Variants in CYRIA observed in about 807,000 individuals in gnomAD.
The protein encoded by CYRIA is CYFIP-related Rac1 interactor A.
In CYRIA, 15 loss-of-function variants were observed where a neutral mutation model predicts 43.9. The observed-to-expected ratio is 0.34, with a 90% CI of 0.23 to 0.53. The LOEUF is 0.53. Among genes scored for constraint, CYRIA ranks in the 20% least tolerant of loss-of-function variants. The pLI, the probability that CYRIA is intolerant of heterozygous loss-of-function variation, is 0.94. For synonymous variants in CYRIA, 117 were observed against 136.0 expected, an observed-to-expected ratio of 0.86 and a Z score of 0.97; for missense variants, 236 against 394.2, an observed-to-expected ratio of 0.60 and a Z score of 3.40.
chr2:16,572,468 T>C (rs1667167390), intron 3 of CYRIA, among the ~76,000 whole-genome samples: 2 of 152,098 alleles, frequency 1.3e-5, no homozygotes. Flanking sequence ...CCCCTCTTCT[T>C]CCAAGATTAT....
intron 3 of CYRIA, among the ~76,000 whole-genome samples, chr2:16,578,246 C>T (rs1667420580): frequency 6.6e-6 from 1 of 152,162 alleles, no homozygotes; most frequent in Non-Finnish European, 1.5e-5. Context: ...GACTCAACCC[C>T]ACTAGTGGAC....
At chr2:16,631,918 A>T (rs915180405) in intron 1 of CYRIA, among the ~76,000 whole-genome samples, 2 of 152,190 alleles carry the variant, frequency 1.3e-5, no homozygotes, top group East Asian at 3.9e-4. Context: ...ATGCTCTGGT[A>T]TATCCTGTGA....
At position 16,559,474 on chromosome 2, in the gene CYRIA, T is replaced by C; in HGVS notation, c.823A>G (p.Thr275Ala). Reference sequence around the variant, plus strand: ...ACTATTCTTACATCGATCTTGGATGTCTTGCAGAAAGCTCCCACAGGGTGG... The same window carrying C: ...ACTATTCTTACATCGATCTTGGATGCCTTGCAGAAAGCTCCCACAGGGTGG... ...HVHPVGAFCK[T>A]SKIDMKGCIK... The change falls in exon 10 of 12, where the codon ACA (threonine) becomes GCA (alanine). Residue 275 changes from threonine to alanine, a missense_variant. Physicochemically the swap from Thr to Ala is moderately conservative, Grantham distance 58. Transcript: ENST00000381323. The C allele has an allele frequency of 6.2e-7, 1 of 1,612,786 alleles. No individual in the cohort carries two copies. The highest frequency in any genetic ancestry group is 1.1e-5 in the South Asian group (1 of 90,940).
chr2:16,554,968 T>C (rs1666454114), intron 11 of CYRIA, 101 bp downstream of exon 11: 2 of 764,490 alleles, frequency 2.6e-6, no homozygotes, highest in Non-Finnish European at 4.2e-6. Context: ...TGTTAAAATA[T>C]GCAAGGGTTA....
chr2:16,612,427 C>T (rs796399385), intron 2 of CYRIA, among the ~76,000 whole-genome samples: 63 of 152,154 alleles, frequency 4.1e-4, no homozygotes, highest in Middle Eastern at 3.4e-3. Flanking sequence ...AATGGTTCCA[C>T]CATGGTGACA....
At chr2:16,556,637 C>G (rs1230691115) in intron 10 of CYRIA, among the ~76,000 whole-genome samples, 1 of 152,058 alleles carries the variant, frequency 6.6e-6, no homozygotes, top group East Asian at 1.9e-4. Flanking sequence ...GGGGCTTTAC[C>G]TGTGGAAAAC....
rs139204800 is a variant in CYRIA, at chr2:16,657,519, G to A, written c.-167+8261C>T. Among the ~76,000 whole-genome samples, 1,396 of 150,512 alleles carry A rather than the reference G, an allele frequency of 9.3e-3. 8 individuals carry two copies. Among genetic ancestry groups the A allele is most frequent in the Middle Eastern group, 0.014 (4 of 288 alleles). On this transcript the variant is annotated intron_variant, in intron 1 of 11. Coordinates refer to ENST00000381323, the MANE Select transcript of CYRIA (RefSeq NM_030797.4). The stretch of plus-strand genomic sequence containing the variant: ...GGCTGTTGTTTTGTTTTTGTGCCAA[G>A]CATGGTCATTTAATTCAGTTAATTG...
rs1385632639 is a variant in CYRIA, at chr2:16,560,612, A to C, written c.710+378T>G. On this transcript the variant is annotated intron_variant, in intron 9 of 11. Coordinates refer to ENST00000381323, the MANE Select transcript of CYRIA (RefSeq NM_030797.4). ...AGAGAGACCTCCATTTTCACTCTTG[A>C]AACAGTCTTATCATGTCAACTCCTG... 3 of 203,028 alleles carry C rather than the reference A, an allele frequency of 1.5e-5. No homozygotes were observed. The East Asian group carries it at 3.3e-4, about 23-fold the overall frequency. The allele number at this position is 203,028 out of a possible 1,614,324, so 12.6% of individuals were successfully genotyped here.
intron 3 of CYRIA, among the ~76,000 whole-genome samples, chr2:16,570,703 CTG>C (rs1435804425): frequency 3.3e-5 from 5 of 152,186 alleles, no homozygotes; most frequent in African/African-American, 9.6e-5. Context: ...GAGCTGTGAA[CTG>C]TGTGCTTGGC....
At chr2:16,566,301 A>T (rs1208955123) in intron 3 of CYRIA, among the ~76,000 whole-genome samples, 1 of 152,194 alleles carries the variant, frequency 6.6e-6, no homozygotes, top group African/African-American at 2.4e-5. Context: ...TGTAAAACTG[A>T]AATTCTGTAT....
chr2:16,627,590 G>T (rs1309731330), intron 1 of CYRIA, among the ~76,000 whole-genome samples: 1 of 152,216 alleles, frequency 6.6e-6, no homozygotes, highest in African/African-American at 2.4e-5. Context: ...ATGGGATTTA[G>T]CTTTTGAGTG....
At chr2:16,618,181 G>C (rs1474050754) in intron 2 of CYRIA, among the ~76,000 whole-genome samples, 1 of 152,218 alleles carries the variant, frequency 6.6e-6, no homozygotes, top group Non-Finnish European at 1.5e-5. Flanking sequence ...GCCAGGATGA[G>C]AGTGTGCTCG....
intron 3 of CYRIA, among the ~76,000 whole-genome samples, chr2:16,578,714 CAA>C (rs755259898): frequency 1.3e-5 from 2 of 151,676 alleles, no homozygotes; most frequent in Non-Finnish European, 2.9e-5. Flanking sequence ...AAAAATTATA[CAA>C]ACTGTATACA....
chr2:16,553,802 G>C (rs1032054121), intron 11 of CYRIA, among the ~76,000 whole-genome samples: 1 of 152,070 alleles, frequency 6.6e-6, no homozygotes, highest in Non-Finnish European at 1.5e-5. Context: ...AAATCAGATG[G>C]GACTCAGGGC....
chr2:16,647,217 C>T lies in CYRIA; in HGVS notation c.-167+18563G>A, dbSNP rs73213601. ...ATCTTCCTTCCAAAAAGATTTTTTA[C>T]AGTCATTAATTGTGTTCATGCAAAT... On this transcript the variant is annotated intron_variant, in intron 1 of 11. Coordinates refer to ENST00000381323, the MANE Select transcript of CYRIA (RefSeq NM_030797.4). Among the ~76,000 whole-genome samples the T allele has an allele frequency of 6.8e-3, 1,036 of 152,266 alleles. 11 individuals are homozygous for T. The highest frequency in any genetic ancestry group is 0.022 in the African/African-American group (895 of 41,538).
chr2:16,645,735 G>C (rs1669801428), intron 1 of CYRIA, among the ~76,000 whole-genome samples: 1 of 152,202 alleles, frequency 6.6e-6, no homozygotes, highest in Middle Eastern at 3.2e-3. Flanking sequence ...CTTTCTGGAA[G>C]AAAAGACATT....
At chr2:16,648,795 G>T (rs1318358400) in intron 1 of CYRIA, among the ~76,000 whole-genome samples, 1 of 152,142 alleles carries the variant, frequency 6.6e-6, no homozygotes, top group Non-Finnish European at 1.5e-5. Context: ...TTAAAATGTA[G>T]GGGTGGGTGA....
At chr2:16,639,875 T>C (rs1207122281) in intron 1 of CYRIA, among the ~76,000 whole-genome samples, 1 of 152,258 alleles carries the variant, frequency 6.6e-6, no homozygotes, top group Non-Finnish European at 1.5e-5. Context: ...TACTTTCGAA[T>C]GGCTCTGCTG....
chr2:16,649,049 C>T (rs1447804338), intron 1 of CYRIA, among the ~76,000 whole-genome samples: 1 of 151,766 alleles, frequency 6.6e-6, no homozygotes, highest in African/African-American at 2.4e-5. Context: ...ATTCAACCGA[C>T]CAGGTTGGAA....
Sources: allele counts gnomAD v4.1 joint callset (sites outside exome capture counted in the v4.1 genomes callset), GRCh38; gene constraint gnomAD v4.1.1; transcripts MANE v1.5; gene names NCBI Gene and HGNC (gene_info 2026-07-23, HGNC 2026-07-21).